The following GPR39 variants were observed in gnomAD, a reference collection of about 807,000 sequenced individuals.
GPR39 encodes G protein-coupled receptor 39.
GPR39 carries 23 observed loss-of-function variants against 18.4 expected under a neutral mutation model. The observed-to-expected ratio is 1.25, with a 90% CI of 0.90 to 1.77. The LOEUF is 1.77. Ranked by LOEUF, GPR39 falls within the 40% of genes most tolerant of loss-of-function variation. The probability of loss-of-function intolerance (pLI) is 0.00; values close to 1 mark genes in which losing one functional copy is unlikely to be tolerated. For synonymous variants in GPR39, 280 were observed against 257.9 expected (o/e 1.09, Z -0.82); for missense variants, 647 against 602.4 (o/e 1.07, Z -0.78).
intron 1 of GPR39, among the ~76,000 whole-genome samples, chr2:132,499,391 G>A (rs1033710253): frequency 1.3e-5 from 2 of 152,084 alleles, no homozygotes; most frequent in African/African-American, 4.8e-5. Flanking sequence ...TGATTTCTGG[G>A]TTCTGTTCCC....
intron 1 of GPR39, among the ~76,000 whole-genome samples, chr2:132,464,354 TG>T (rs553771377): frequency 1.9e-3 from 288 of 152,326 alleles, no homozygotes; most frequent in Non-Finnish European, 3.8e-3. Context: ...TGTGCAGGAT[TG>T]GCCTATGACG....
At chr2:132,476,199 G>A (rs1462300136) in intron 1 of GPR39, among the ~76,000 whole-genome samples, 1 of 152,120 alleles carries the variant, frequency 6.6e-6, no homozygotes. Context: ...ATTTATAAAA[G>A]ACCAAAGGTG....
intron 1 of GPR39, among the ~76,000 whole-genome samples, chr2:132,564,861 G>C (rs1388216726): frequency 8.9e-6 from 1 of 112,646 alleles, no homozygotes; most frequent in African/African-American, 3.3e-5. Context: ...CTATTGCCCA[G>C]GCTGGAGTAC....
intron 1 of GPR39, among the ~76,000 whole-genome samples, chr2:132,628,419 T>C (rs1203018120): frequency 6.6e-6 from 1 of 152,104 alleles, no homozygotes; most frequent in Admixed American, 6.5e-5. Context: ...GTCTCTCAAG[T>C]TTGGGAGGGC....
At position 132,645,390 on chromosome 2, in the gene GPR39, C is replaced by A. The variant is rs751907608; in HGVS notation, c.1146C>A (p.Thr382=). The A allele has an allele frequency of 1.2e-6, 2 of 1,613,752 alleles. No homozygotes were observed. The highest frequency in any genetic ancestry group is 1.7e-6 in the Non-Finnish European group (2 of 1,180,014). The part of the protein sequence containing the change: ...KRLRVHAHST[T]DSARFVQRPL... ...TGCGCGTACATGCGCACTCCACCAC[C>A]GACAGCGCCCGCTTTGTGCAGCGCC... Residue 382 remains threonine (T), a synonymous_variant, in exon 2 of 2, where the codon ACC becomes ACA. Coordinates refer to ENST00000329321, the MANE Select transcript of GPR39 (RefSeq NM_001508.3).
chr2:132,482,380 C>T (rs1681251622), intron 1 of GPR39, among the ~76,000 whole-genome samples: 1 of 152,148 alleles, frequency 6.6e-6, no homozygotes, highest in South Asian at 2.1e-4. Context: ...GCCTTTTCCT[C>T]CCCCAAATCC....
At chr2:132,577,471 T>C (rs1003420565) in intron 1 of GPR39, among the ~76,000 whole-genome samples, 2 of 152,184 alleles carry the variant, frequency 1.3e-5, no homozygotes, top group Admixed American at 6.5e-5. Context: ...AATCTGTATA[T>C]CAATTTGAGG....
chr2:132,612,437 A>G (rs887284273), intron 1 of GPR39, among the ~76,000 whole-genome samples: 5 of 152,220 alleles, frequency 3.3e-5, no homozygotes, highest in Non-Finnish European at 5.9e-5. Context: ...CTTACTTCAA[A>G]GCAAGACCAC....
rs1464068671 is a variant in GPR39 at position 132,492,606 on chromosome 2, C to T, written c.856+74708C>T. 3.6e-5 allele frequency among the ~76,000 whole-genome samples: 5 copies of T among 137,650 alleles called. No individual in the cohort carries two copies. The East Asian group carries it at 1.1e-3, about 30-fold the overall frequency. 90.3% of individuals were successfully genotyped at this position (137,650 alleles called of 152,430 possible). A position where few individuals can be genotyped will look rare whatever the true frequency, so the allele number is the denominator to read the frequency against. ...ACACACCATATATATACCATATATA[C>T]ACACCATCTATATATACAATATATA... is the stretch of plus-strand genomic sequence containing the variant. On this transcript the variant is annotated intron_variant, in intron 1 of 1. Coordinates refer to ENST00000329321, the MANE Select transcript of GPR39 (RefSeq NM_001508.3).
At chr2:132,481,988 C>T (rs546229631) in intron 1 of GPR39, among the ~76,000 whole-genome samples, 59 of 152,298 alleles carry the variant, frequency 3.9e-4, no homozygotes, top group African/African-American at 1.0e-3. Flanking sequence ...CCACAGCAGA[C>T]GGGAGCTGAA....
intron 1 of GPR39, among the ~76,000 whole-genome samples, chr2:132,609,482 G>T (rs966523591): frequency 6.6e-6 from 1 of 152,170 alleles, no homozygotes; most frequent in African/African-American, 2.4e-5. Flanking sequence ...AAACCGAGGG[G>T]TGCAACTGGG....
chr2:132,503,040 A>G (rs1163704475), intron 1 of GPR39, among the ~76,000 whole-genome samples: 1 of 152,128 alleles, frequency 6.6e-6, no homozygotes, highest in Non-Finnish European at 1.5e-5. Context: ...GATTAGATTA[A>G]TACTTGACTT....
intron 1 of GPR39, among the ~76,000 whole-genome samples, chr2:132,520,060 T>A (rs1004503841): frequency 6.6e-6 from 1 of 152,206 alleles, no homozygotes; most frequent in Non-Finnish European, 1.5e-5. Flanking sequence ...TTCTCTTCCC[T>A]TCCTCTCTTC....
At chr2:132,580,104 G>A (rs1249659744) in intron 1 of GPR39, among the ~76,000 whole-genome samples, 1 of 152,164 alleles carries the variant, frequency 6.6e-6, no homozygotes, top group Non-Finnish European at 1.5e-5. Flanking sequence ...GGCAAAGTTC[G>A]GGCTTCCTAG....
intron 1 of GPR39, among the ~76,000 whole-genome samples, chr2:132,525,233 G>C (rs1336140601): frequency 6.6e-6 from 1 of 152,174 alleles, no homozygotes; most frequent in African/African-American, 2.4e-5. Flanking sequence ...TTGGAGCACA[G>C]GATTGATTCA....
intron 1 of GPR39, among the ~76,000 whole-genome samples, chr2:132,637,587 G>A (rs1017936813): frequency 3.3e-5 from 5 of 152,232 alleles, no homozygotes; most frequent in Non-Finnish European, 7.3e-5. Context: ...AAATTCCTCA[G>A]TAGGAAAAAG....
chr2:132,549,288 C>T (rs535712827), intron 1 of GPR39, among the ~76,000 whole-genome samples: 6 of 152,326 alleles, frequency 3.9e-5, no homozygotes, highest in East Asian at 1.9e-4. Context: ...GAGCATACCA[C>T]ACCCCAAGCC....
intron 1 of GPR39, among the ~76,000 whole-genome samples, chr2:132,493,183 C>G (rs1006146773): frequency 2.9e-5 from 4 of 136,844 alleles, no homozygotes; most frequent in Admixed American, 7.4e-5. Flanking sequence ...ATATATACAC[C>G]ATATATATAC....
chr2:132,588,059 A>G (rs1573683868), intron 1 of GPR39, among the ~76,000 whole-genome samples: 1 of 152,138 alleles, frequency 6.6e-6, no homozygotes, highest in East Asian at 1.9e-4. Flanking sequence ...TTGACATCCT[A>G]TTGCAGACTA....
Sources: gnomAD v4.1 joint callset for allele counts (sites outside exome capture counted in the v4.1 genomes callset) on GRCh38, gnomAD v4.1.1 for gene constraint, MANE v1.5 for transcripts, NCBI Gene and HGNC (gene_info 2026-07-23, HGNC 2026-07-21) for gene names.